Variants in PPP1R13L observed in about 807,000 individuals in gnomAD.
PPP1R13L encodes relA-associated inhibitor.
PPP1R13L carries 50 observed loss-of-function variants against 80.9 expected under a neutral mutation model. The ratio of observed to expected loss-of-function variants is 0.62; its 90% CI spans 0.49 to 0.78. The LOEUF is 0.78. Ranked by LOEUF, PPP1R13L falls within the 30% of genes least tolerant of loss-of-function variation. The probability of loss-of-function intolerance (pLI) is 0.00; values close to 1 mark genes in which losing one functional copy is unlikely to be tolerated. For synonymous variants in PPP1R13L, 602 were observed against 534.3 expected (o/e 1.13, Z -1.75); for missense variants, 1,200 against 1,205.9 (o/e 1.00, Z 0.07).
intron 3 of PPP1R13L, 31 bp from the exon 4 acceptor site, chr19:45,397,089 A>G: frequency 7.9e-7 from 1 of 1,273,214 alleles, no homozygotes; most frequent in Non-Finnish European, 9.9e-7. Flanking sequence ...TGAGGGATGG[A>G]TCAAAGGAGA....
At chr19:45,394,027 TTTATCTTCA>T (rs1314659108) in intron 7 of PPP1R13L, among the ~76,000 whole-genome samples, 15 of 152,170 alleles carry the variant, frequency 9.9e-5, no homozygotes, top group African/African-American at 3.6e-4. Flanking sequence ...GGACAAGTAA[TTTATCTTCA>T]GTCACACAGC....
intron 1 of PPP1R13L, among the ~76,000 whole-genome samples, chr19:45,399,430 C>A (rs551202954): frequency 9.4e-5 from 14 of 148,998 alleles, no homozygotes; most frequent in Non-Finnish European, 1.9e-4. Flanking sequence ...CGAGACCATC[C>A]TGGCTAACAT....
intron 8 of PPP1R13L, 86 bp downstream of exon 8, chr19:45,391,794 C>T: frequency 8.9e-7 from 1 of 1,118,804 alleles, no homozygotes; most frequent in Non-Finnish European, 1.2e-6. Flanking sequence ...TCGATCTCAT[C>T]TAAGCCACTA....
chr19:45,380,005 T>C lies in PPP1R13L; in HGVS notation c.*185A>G. ...CAGACCTCCCAAGGCTAAGGCAGAT[T>C]ACTAAATTTAAGGCTGGGGCCCTCC... On this transcript the variant is annotated 3_prime_UTR_variant, in exon 13 of 13. Transcript: ENST00000360957. 1.5e-6 allele frequency: 1 copy of C among 645,360 alleles called. No homozygotes were observed. Among genetic ancestry groups the C allele is most frequent in the Non-Finnish European group, 2.7e-6 (1 of 374,996 alleles). The allele number at this position is 645,360 out of a possible 1,614,324, so 40.0% of individuals were successfully genotyped here.
In PPP1R13L at chr19:45,385,828, C is replaced by A; in HGVS notation, c.2077G>T (p.Gly693Cys). The part of the protein sequence containing the change: ...GANVNSPDSH[G>C]WTPLHCAASC... ...ACCGCGCGGGTCGGGGCTCACCAGC[C>A]GTGGCTGTCGGGGGAGTTGACATTG... is the stretch of plus-strand genomic sequence containing the variant. Residue 693 changes from glycine (G) to cysteine (C), a missense_variant, in exon 10 of 13, where the codon GGC (glycine) becomes TGC (cysteine). By Grantham distance (159) the Gly-to-Cys change is radical (BLOSUM62 -3). Around this residue, in one of 5 missense-constraint regions of PPP1R13L, gnomAD observed 214 missense variants for 199.6 expected, o/e 1.07. Coordinates refer to ENST00000360957, the MANE Select transcript of PPP1R13L (RefSeq NM_006663.4). 1 of 1,611,152 alleles carries A rather than the reference C, an allele frequency of 6.2e-7. No individual in the cohort carries two copies. Among genetic ancestry groups the A allele is most frequent in the Non-Finnish European group, 8.5e-7 (1 of 1,178,980 alleles).
intron 1 of PPP1R13L, among the ~76,000 whole-genome samples, chr19:45,402,497 CA>C (rs1720529315): frequency 6.6e-6 from 1 of 152,230 alleles, no homozygotes; most frequent in African/African-American, 2.4e-5. Context: ...TCGGAGCCAC[CA>C]GGGGGCGGTC....
chr19:45,395,637 G>T lies in PPP1R13L; in HGVS notation c.1153C>A (p.His385Asn). The T allele has an allele frequency of 6.8e-7, 1 of 1,467,160 alleles. No individual in the cohort carries two copies. Among genetic ancestry groups the T allele is most frequent in the Non-Finnish European group, 9.0e-7 (1 of 1,114,476 alleles). The allele number at this position is 1,467,160 out of a possible 1,614,324, so 90.9% of individuals were successfully genotyped here. A position where few individuals can be genotyped will look rare whatever the true frequency, so the allele number is the denominator to read the frequency against. ...GGGAGCATGGCGCGGCTGGCCCCGTGCTCCCAGAAGGCGTTCTGCAGCTTG... is the reference window on the plus strand; with the variant it reads ...GGGAGCATGGCGCGGCTGGCCCCGTTCTCCCAGAAGGCGTTCTGCAGCTTG... ...IFKLQNAFWE[H>N]GASRAMLPGS... Residue 385 changes from histidine (H) to asparagine (N), a missense_variant, in exon 7 of 13, where the codon CAC becomes AAC. Coordinates refer to ENST00000360957, the MANE Select transcript of PPP1R13L (RefSeq NM_006663.4).
chr19:45,387,701 C>T (rs937286625), intron 8 of PPP1R13L, among the ~76,000 whole-genome samples: 1 of 152,088 alleles, frequency 6.6e-6, no homozygotes, highest in Non-Finnish European at 1.5e-5. Flanking sequence ...ACTACGGGCG[C>T]CCGCCACCAC....
At chr19:45,387,082 A>G (rs553192517) in intron 8 of PPP1R13L, among the ~76,000 whole-genome samples, 1 of 151,980 alleles carries the variant, frequency 6.6e-6, no homozygotes, top group Admixed American at 6.5e-5. Context: ...CAGCTTGGGC[A>G]ATATAGTGAG....
chr19:45,398,211 C>T, intron 2 of PPP1R13L, 53 bp downstream of exon 2: 7 of 1,612,998 alleles, frequency 4.3e-6, no homozygotes, highest in Non-Finnish European at 5.1e-6. Context: ...CAGCACCCCT[C>T]GCCCGCTGCC....
intron 3 of PPP1R13L, among the ~76,000 whole-genome samples, chr19:45,397,553 C>T (rs572571012): frequency 6.7e-6 from 1 of 148,300 alleles, no homozygotes; most frequent in East Asian, 2.0e-4. Flanking sequence ...ACCTCCCTGG[C>T]TTAGTGTGAT....
rs1256128771 is a variant in PPP1R13L at position 45,386,329 on chromosome 19, T to A, written c.1816-149A>T. ...CCTCGGGATGGGGTGAGGGGGTGCCTTCGATCTCCTCCTAGAGCCTCCAGT... is the reference window on the plus strand; with the variant it reads ...CCTCGGGATGGGGTGAGGGGGTGCCATCGATCTCCTCCTAGAGCCTCCAGT... On this transcript the variant is annotated intron_variant, in intron 8 of 12. Coordinates refer to ENST00000360957, the MANE Select transcript of PPP1R13L (RefSeq NM_006663.4). The A allele has an allele frequency of 1.4e-5, 13 of 954,968 alleles. No individual in the cohort carries two copies. The East Asian group carries it at 4.0e-4, about 29-fold the overall frequency. 59.2% of individuals were successfully genotyped at this position (954,968 alleles called of 1,614,324 possible). A position where few individuals can be genotyped will look rare whatever the true frequency, so the allele number is the denominator to read the frequency against.
chr19:45,391,829 C>A (rs1391753812), intron 8 of PPP1R13L, 51 bp downstream of exon 8: 2 of 1,361,758 alleles, frequency 1.5e-6, no homozygotes, highest in Admixed American at 2.7e-5. Flanking sequence ...TTTGCTACAG[C>A]TCCTGGATTC....
intron 8 of PPP1R13L, 79 bp downstream of exon 8, chr19:45,391,801 A>T: frequency 8.6e-7 from 1 of 1,159,504 alleles, no homozygotes; most frequent in Non-Finnish European, 1.2e-6. Flanking sequence ...CATCTAAGCC[A>T]CTATATTTGG....
intron 1 of PPP1R13L, among the ~76,000 whole-genome samples, chr19:45,399,528 G>A (rs1240382586): frequency 1.3e-5 from 2 of 151,580 alleles, no homozygotes; most frequent in East Asian, 2.0e-4. Context: ...GGAGGCTGAG[G>A]CAGGAGAACG....
intron 12 of PPP1R13L, 102 bp downstream of exon 12, chr19:45,382,425 A>C: frequency 1.5e-6 from 2 of 1,378,566 alleles, no homozygotes; most frequent in East Asian, 4.6e-5. Flanking sequence ...CTCTCCCAAT[A>C]TAACGGTTTG....
rs1266763680 is a variant in PPP1R13L, at chr19:45,396,779, G to A, written c.478C>T (p.Arg160Trp). 36 of 1,355,186 alleles carry A rather than the reference G, an allele frequency of 2.7e-5. No individual in the cohort carries two copies. Among genetic ancestry groups the A allele is most frequent in the Non-Finnish European group, 3.1e-5 (33 of 1,064,186 alleles). 83.9% of individuals were successfully genotyped at this position (1,355,186 alleles called of 1,614,324 possible). ...GSSLGRAPSP[R>W]PGPGPLRQQG... ...TGGCGGAGCGGGCCTGGCCCGGGCC[G>A]CGGGGAGGGCGCACGGCCGAGGGAG... is the stretch of plus-strand genomic sequence containing the variant. The change falls in exon 4 of 13, where the codon CGG (arginine) becomes TGG (tryptophan). Residue 160 changes from arginine to tryptophan, a missense_variant. Physicochemically the swap from Arg to Trp is moderately radical, Grantham distance 101 (BLOSUM62 -3). Transcript: ENST00000360957. This position sits in a 1 kb window ranked among gnomAD's most constrained non-coding sequence, Gnocchi z 5.3.
chr19:45,392,908 G>C (rs1973006178), intron 7 of PPP1R13L: 1 of 166,384 alleles, frequency 6.0e-6, no homozygotes, highest in Non-Finnish European at 1.3e-5. Context: ...GCTCACACCT[G>C]TAATCCCAGA....
At chr19:45,392,723 C>T (rs1217973573) in intron 7 of PPP1R13L, 5 of 330,184 alleles carry the variant, frequency 1.5e-5, no homozygotes, top group Non-Finnish European at 2.9e-5. Flanking sequence ...CTACTTCTAC[C>T]AACCGTGATA....
Sources: allele counts gnomAD v4.1 joint callset (sites outside exome capture counted in the v4.1 genomes callset), GRCh38; gene constraint gnomAD v4.1.1; regional missense constraint gnomAD v4.1.1; non-coding constraint Gnocchi (gnomAD v3.1); transcripts MANE v1.5; gene names NCBI Gene and HGNC (gene_info 2026-07-23, HGNC 2026-07-21).